PARD3: variants seen among roughly 807,000 people sequenced by gnomAD.
PARD3 encodes partitioning defective 3 homolog.
In PARD3, 75 loss-of-function variants were observed where a neutral mutation model predicts 155.4. The ratio of observed to expected loss-of-function variants is 0.48; its 90% CI spans 0.40 to 0.58. The LOEUF is 0.58. Among genes scored for constraint, PARD3 ranks in the 20% least tolerant of loss-of-function variants. PARD3 has a pLI of 0.00. For synonymous variants in PARD3, 576 were observed against 610.5 expected, an observed-to-expected ratio of 0.94 and a Z score of 0.83; for missense variants, 1,642 against 1,721.7, an observed-to-expected ratio of 0.95 and a Z score of 0.82.
intron 5 of PARD3, among the ~76,000 whole-genome samples, chr10:34,406,135 ATAT>A (rs1844449124): frequency 6.6e-6 from 1 of 152,212 alleles, no homozygotes; most frequent in South Asian, 2.1e-4. Context: ...AAAACTAGGA[ATAT>A]TATTAACAAA....
chr10:34,372,430 A>G, intron 12 of PARD3, 68 bp downstream of exon 12: 1 of 1,153,236 alleles, frequency 8.7e-7, no homozygotes, highest in Middle Eastern at 1.9e-4. Context: ...TTCGTATTAA[A>G]TTAGTAAGAA....
chr10:34,500,510 G>T (rs896902367), intron 3 of PARD3, among the ~76,000 whole-genome samples: 3 of 152,164 alleles, frequency 2.0e-5, no homozygotes, highest in African/African-American at 7.2e-5. Context: ...GGGAGGTCAA[G>T]GCAGGCAGAT....
At chr10:34,289,338 C>T (rs897613468) in intron 20 of PARD3, among the ~76,000 whole-genome samples, 5 of 151,948 alleles carry the variant, frequency 3.3e-5, no homozygotes, top group Non-Finnish European at 7.4e-5. Flanking sequence ...TACAGTCGTG[C>T]GCCACCACAC....
intron 2 of PARD3, among the ~76,000 whole-genome samples, chr10:34,626,933 A>C (rs1207368990): frequency 6.6e-6 from 1 of 152,190 alleles, no homozygotes; most frequent in Non-Finnish European, 1.5e-5. Flanking sequence ...TCAGAGGATG[A>C]CACGTCATCT....
At chr10:34,241,252 G>A (rs1243448650) in intron 22 of PARD3, among the ~76,000 whole-genome samples, 3 of 152,178 alleles carry the variant, frequency 2.0e-5, no homozygotes, top group African/African-American at 4.8e-5. Context: ...GAAGATGCCA[G>A]TCATTTCAAG....
chr10:34,413,140 T>TACACACACACACACACACACAC (rs774389489), intron 5 of PARD3, among the ~76,000 whole-genome samples: 33 of 113,860 alleles, frequency 2.9e-4, no homozygotes, highest in African/African-American at 8.9e-4. Context: ...ACTTCAGATA[T>TACACACACACACACACACACAC]ATATACACAC....
rs555441721 is a variant in PARD3, at chr10:34,188,897, G to A, written c.3420-57314C>T. On this transcript the variant is annotated intron_variant, in intron 22 of 24. Transcript: ENST00000374788. Reference sequence around the variant, plus strand: ...CCCCACACCCTTCCCAACACAGCATGGACTCTGCAACCTGGTATGAGGGGC... The same window carrying A: ...CCCCACACCCTTCCCAACACAGCATAGACTCTGCAACCTGGTATGAGGGGC... 1.1e-3 allele frequency among the ~76,000 whole-genome samples: 168 copies of A among 152,174 alleles called. 1 individual carries two copies. Among genetic ancestry groups the A allele is most frequent in the African/African-American group, 3.8e-3 (157 of 41,526 alleles).
At chr10:34,375,088 A>G in intron 10 of PARD3, 86 bp from the exon 11 acceptor site, 1 of 956,880 alleles carries the variant, frequency 1.0e-6, no homozygotes, top group Non-Finnish European at 1.6e-6. Flanking sequence ...ACACACACAC[A>G]CACACACTCT....
intron 20 of PARD3, chr10:34,312,141 G>T: frequency 3.8e-6 from 3 of 787,968 alleles, no homozygotes; most frequent in Non-Finnish European, 5.9e-6. Flanking sequence ...GCCTTTTCAA[G>T]CGTAATTTAA....
chr10:34,465,981 C>T, intron 4 of PARD3, among the ~76,000 whole-genome samples: 1 of 152,136 alleles, frequency 6.6e-6, no homozygotes, highest in Non-Finnish European at 1.5e-5. Context: ...TAAGTATTCA[C>T]ACCGATTGAA....
At chr10:34,668,833 T>G (rs1298639300) in intron 2 of PARD3, among the ~76,000 whole-genome samples, 4 of 152,042 alleles carry the variant, frequency 2.6e-5, no homozygotes, top group African/African-American at 9.7e-5. Context: ...AAGTTTGATT[T>G]TTTTTTTTAA....
intron 6 of PARD3, 76 bp downstream of exon 6, chr10:34,401,750 T>C (rs1038562405): frequency 1.1e-6 from 1 of 927,994 alleles, no homozygotes; most frequent in South Asian, 1.3e-5. Flanking sequence ...TCATGCCATA[T>C]GCTTTCAGAA....
chr10:34,223,247 G>A (rs1952408192), intron 22 of PARD3, among the ~76,000 whole-genome samples: 1 of 152,136 alleles, frequency 6.6e-6, no homozygotes, highest in South Asian at 2.1e-4. Context: ...AACTGGCCCA[G>A]ATTCCGCCAA....
intron 2 of PARD3, among the ~76,000 whole-genome samples, chr10:34,598,852 C>A (rs367844612): frequency 1.3e-5 from 2 of 152,132 alleles, no homozygotes; most frequent in African/African-American, 4.8e-5. Context: ...GCAAAGCATT[C>A]CCAAGACTGA....
At chr10:34,172,771 AC>A (rs142913187) in intron 22 of PARD3, among the ~76,000 whole-genome samples, 29,221 of 150,800 alleles carry the variant, frequency 0.19, 3,598 homozygotes, top group Non-Finnish European at 0.26. Flanking sequence ...CAAAAAAAAA[AC>A]CCACCCAAGC....
intron 2 of PARD3, among the ~76,000 whole-genome samples, chr10:34,668,283 G>T (rs1162750219): frequency 6.6e-6 from 1 of 152,124 alleles, no homozygotes; most frequent in Non-Finnish European, 1.5e-5. Context: ...AAGTTCTGTG[G>T]TTACTAGCAT....
intron 20 of PARD3, among the ~76,000 whole-genome samples, chr10:34,287,992 C>T (rs1956482927): frequency 6.6e-6 from 1 of 152,136 alleles, no homozygotes; most frequent in African/African-American, 2.4e-5. Context: ...GGACAGATCA[C>T]TTAAGGTCAG....
intron 15 of PARD3, chr10:34,346,458 A>G: frequency 7.4e-7 from 1 of 1,349,234 alleles, no homozygotes; most frequent in Non-Finnish European, 9.9e-7. Context: ...TCCTATAATA[A>G]AGGGGAAATT....
At chr10:34,424,203 G>A (rs912977546) in intron 5 of PARD3, among the ~76,000 whole-genome samples, 1 of 152,026 alleles carries the variant, frequency 6.6e-6, no homozygotes, top group Non-Finnish European at 1.5e-5. Flanking sequence ...ATGCATGCAG[G>A]GGATGAAAAA....
Sources: gnomAD v4.1 joint callset for allele counts (sites outside exome capture counted in the v4.1 genomes callset) on GRCh38, gnomAD v4.1.1 for gene constraint, MANE v1.5 for transcripts, NCBI Gene and HGNC (gene_info 2026-07-23, HGNC 2026-07-21) for gene names.